The following KCNMA1 variants were observed in gnomAD, a reference collection of about 807,000 sequenced individuals.
KCNMA1 encodes the protein Calcium-activated potassium channel subunit alpha-1.
Under a neutral mutation model 140.0 loss-of-function variants are expected in KCNMA1, and 29 were observed. The observed-to-expected ratio is 0.21, with a 90% CI of 0.15 to 0.28. The LOEUF is 0.28. Among genes scored for constraint, KCNMA1 ranks in the 10% least tolerant of loss-of-function variants. The pLI is 1.00. For synonymous variants in KCNMA1, 612 were observed against 611.9 expected, an observed-to-expected ratio of 1.00 and a Z score of 0.00; for missense variants, 880 against 1,602.2, an observed-to-expected ratio of 0.55 and a Z score of 7.70.
In KCNMA1 at chr10:77,557,739, G is replaced by A. The variant is rs147590651; in HGVS notation, c.378+79526C>T. Among the ~76,000 whole-genome samples, 235 of 147,064 alleles carry A rather than the reference G, an allele frequency of 1.6e-3. 2 individuals are homozygous for A. Among genetic ancestry groups the A allele is most frequent in the African/African-American group, 5.6e-3 (223 of 39,812 alleles). The stretch of plus-strand genomic sequence containing the variant: ...ATGATCTCAGCTCAATGCAACCTCC[G>A]CCTCCTGGGTTCAAGCAATTCTGCC... On this transcript the variant is annotated intron_variant, in intron 1 of 27. Transcript: ENST00000286628.
intron 1 of KCNMA1, among the ~76,000 whole-genome samples, chr10:77,472,366 CAT>C (rs1166512238): frequency 2.0e-5 from 3 of 151,506 alleles, no homozygotes; most frequent in South Asian, 4.2e-4. Context: ...ACCACACACA[CAT>C]ACTACACACA....
chr10:77,154,967 T>C (rs1001873611), intron 5 of KCNMA1, among the ~76,000 whole-genome samples: 4 of 152,204 alleles, frequency 2.6e-5, no homozygotes, highest in Non-Finnish European at 4.4e-5. Flanking sequence ...AGTGGAGAAC[T>C]GAAGGGAGAG....
intron 2 of KCNMA1, among the ~76,000 whole-genome samples, chr10:77,327,593 G>A (rs1284875351): frequency 3.3e-5 from 5 of 152,160 alleles, no homozygotes; most frequent in African/African-American, 9.6e-5. Flanking sequence ...GACCTCAGGT[G>A]ATCTGCCTGC....
At chr10:76,876,466 A>G (rs2032405058), downstream of KCNMA1, 1 of 152,686 alleles carries the variant, frequency 6.5e-6, no homozygotes, top group South Asian at 2.1e-4. Context: ...TCGTAATTGC[A>G]TCTGATGGCT....
intron 1 of KCNMA1, among the ~76,000 whole-genome samples, chr10:77,483,451 G>A (rs1051908870): frequency 1.8e-4 from 27 of 152,188 alleles, no homozygotes; most frequent in African/African-American, 6.0e-4. Flanking sequence ...GGCAGGTGAC[G>A]AGGAGAAAGG....
At chr10:77,592,005 C>T (rs1362181546) in intron 1 of KCNMA1, among the ~76,000 whole-genome samples, 1 of 152,160 alleles carries the variant, frequency 6.6e-6, no homozygotes, top group Non-Finnish European at 1.5e-5. Flanking sequence ...CAGTCTCATT[C>T]GTTCGCCCAG....
chr10:77,236,076 G>A (rs1481691671), intron 3 of KCNMA1, among the ~76,000 whole-genome samples: 1 of 152,196 alleles, frequency 6.6e-6, no homozygotes, highest in Non-Finnish European at 1.5e-5. Flanking sequence ...AGGGGACTGA[G>A]GCTGGCCATG....
intron 2 of KCNMA1, among the ~76,000 whole-genome samples, chr10:77,300,638 G>A (rs989812154): frequency 9.9e-5 from 15 of 152,116 alleles, no homozygotes; most frequent in Non-Finnish European, 5.9e-5. Context: ...TCTCATCAAC[G>A]TATTTGAGTT....
chr10:77,128,327 T>A (rs771177540), intron 5 of KCNMA1, among the ~76,000 whole-genome samples: 2 of 151,918 alleles, frequency 1.3e-5, no homozygotes, highest in Non-Finnish European at 2.9e-5. Flanking sequence ...AATTCTAAAA[T>A]ATATCAATCT....
At chr10:77,302,124 A>G (rs1184057427) in intron 2 of KCNMA1, among the ~76,000 whole-genome samples, 1 of 152,112 alleles carries the variant, frequency 6.6e-6, no homozygotes, top group Non-Finnish European at 1.5e-5. Context: ...TCAGGCTCGC[A>G]TAAGGTCACA....
intron 2 of KCNMA1, among the ~76,000 whole-genome samples, chr10:77,358,766 ACT>A (rs998724103): frequency 2.6e-5 from 4 of 152,250 alleles, no homozygotes; most frequent in African/African-American, 9.6e-5. Context: ...CCATGATATT[ACT>A]TACAATCCTA....
At chr10:76,997,878 ACT>A (rs1312511863) in intron 19 of KCNMA1, among the ~76,000 whole-genome samples, 1 of 152,128 alleles carries the variant, frequency 6.6e-6, no homozygotes, top group Non-Finnish European at 1.5e-5. Flanking sequence ...ATAAAATGAC[ACT>A]CTATGCACTG....
chr10:76,993,787 A>T (rs1401350355), intron 19 of KCNMA1, among the ~76,000 whole-genome samples: 1 of 152,238 alleles, frequency 6.6e-6, no homozygotes, highest in African/African-American at 2.4e-5. Flanking sequence ...TTACAGACTA[A>T]GAACAAAACC....
Position 77,403,934 on chromosome 10 carries a change from G to C in KCNMA1, c.468C>G (p.Val156=), listed in dbSNP as rs140636629. ...DEKEEAVAAE[V]GWMTSVKDWA... ...AGTCCTTCACGGAGGTCATCCAGCC[G>C]ACCTCGGCGGCCACTGCCTCCTCTT... Residue 156 remains valine, a synonymous_variant, in exon 2 of 28, where the codon GTC becomes GTG. Coordinates refer to ENST00000286628, the MANE Select transcript of KCNMA1 (RefSeq NM_001161352.2). The C allele has an allele frequency of 1.2e-6, 2 of 1,614,120 alleles. No individual in the cohort carries two copies. The highest frequency in any genetic ancestry group is 2.2e-5 in the East Asian group (1 of 44,872).
At chr10:77,212,502 G>A (rs895338683) in intron 3 of KCNMA1, among the ~76,000 whole-genome samples, 3 of 152,142 alleles carry the variant, frequency 2.0e-5, no homozygotes, top group Middle Eastern at 3.4e-3. Context: ...TACTATGCTC[G>A]CTACCTGGGT....
chr10:77,174,572 A>T (rs1447070774), intron 5 of KCNMA1, among the ~76,000 whole-genome samples: 1 of 152,240 alleles, frequency 6.6e-6, no homozygotes, highest in Admixed American at 6.5e-5. Flanking sequence ...TTAAATAGGC[A>T]AATGTGGCTA....
chr10:77,577,330 G>C (rs1222584502), intron 1 of KCNMA1, among the ~76,000 whole-genome samples: 2 of 151,826 alleles, frequency 1.3e-5, no homozygotes, highest in South Asian at 4.2e-4. Flanking sequence ...TTGCAGGCGT[G>C]AGCCACCACG....
intron 5 of KCNMA1, among the ~76,000 whole-genome samples, chr10:77,155,586 C>T (rs1237726392): frequency 6.6e-6 from 1 of 152,100 alleles, no homozygotes; most frequent in African/African-American, 2.4e-5. Context: ...GGCTGCCTCT[C>T]CCATGCTGCC....
chr10:77,216,854 T>C (rs577027265), intron 3 of KCNMA1, among the ~76,000 whole-genome samples: 3 of 152,322 alleles, frequency 2.0e-5, no homozygotes, highest in Admixed American at 2.0e-4. Flanking sequence ...ATAAACATTA[T>C]ATTCCTCATT....
Sources: allele counts gnomAD v4.1 joint callset (sites outside exome capture counted in the v4.1 genomes callset), GRCh38; gene constraint gnomAD v4.1.1; transcripts MANE v1.5; gene names NCBI Gene and HGNC (gene_info 2026-07-23, HGNC 2026-07-21).